DCHS2: variants seen among roughly 807,000 people sequenced by gnomAD.
The protein encoded by DCHS2 is dachsous cadherin-related 2.
A neutral mutation model predicts 182.4 loss-of-function variants in DCHS2; 142 were observed. That is an observed-to-expected ratio of 0.78 (90% CI 0.68 to 0.89). The LOEUF (loss-of-function observed/expected upper bound fraction) is 0.89. DCHS2 is among the 40% of genes least tolerant of loss of function. The pLI is 0.00. For missense variants in DCHS2, 4,319 were observed against 4,198.6 expected, an observed-to-expected ratio of 1.03 and a Z score of -0.79; for synonymous variants, 1,740 against 1,663.3, an observed-to-expected ratio of 1.05 and a Z score of -1.12.
chr4:154,234,775 G>T lies in DCHS2; in HGVS notation c.9877C>A (p.Pro3293Thr), dbSNP rs1293034043. The T allele has an allele frequency of 6.2e-7, 1 of 1,614,000 alleles. No individual in the cohort carries two copies. Among genetic ancestry groups the T allele is most frequent in the East Asian group, 2.2e-5 (1 of 44,862 alleles). Residue 3293 changes from proline to threonine, a missense_variant, in exon 20 of 20, where the codon CCA becomes ACA. By Grantham distance (38) the Pro-to-Thr change is conservative. Transcript: ENST00000357232. ...AGGTTTACTGCCGGCATTCTTGGTG[G>T]GACTGCTTTAATCCCAGGCTGGGCT... ...AVAQPGIKAV[P>T]PRMPAVNLGQ...
chr4:154,378,637 T>C (rs912516538), intron 1 of DCHS2, among the ~76,000 whole-genome samples: 2 of 152,114 alleles, frequency 1.3e-5, no homozygotes, highest in African/African-American at 2.4e-5. Context: ...TTACAACCTA[T>C]AGGTACTAAC....
At chr4:154,424,240 T>C (rs1733231002) in intron 1 of DCHS2, among the ~76,000 whole-genome samples, 1 of 152,028 alleles carries the variant, frequency 6.6e-6, no homozygotes, top group African/African-American at 2.4e-5. Context: ...GTAAATCAGA[T>C]CCTAAACTAC....
chr4:154,269,772 G>C, intron 14 of DCHS2, 128 bp downstream of exon 14: 2 of 1,037,998 alleles, frequency 1.9e-6, no homozygotes, highest in Non-Finnish European at 2.7e-6. Flanking sequence ...TCATAGGCTA[G>C]CTTAAAAAAT....
chr4:154,461,363 A>G (rs541648404), intron 1 of DCHS2, among the ~76,000 whole-genome samples: 2 of 152,346 alleles, frequency 1.3e-5, no homozygotes, highest in East Asian at 1.9e-4. Flanking sequence ...TTTTAAAAAA[A>G]TAATAAAACA....
At chr4:154,423,996 A>C (rs1159678398) in intron 1 of DCHS2, among the ~76,000 whole-genome samples, 1 of 152,214 alleles carries the variant, frequency 6.6e-6, no homozygotes, top group East Asian at 1.9e-4. Context: ...CATTTTAGAA[A>C]TATCTTCAAA....
chr4:154,273,614 A>T (rs1733697970), intron 13 of DCHS2, among the ~76,000 whole-genome samples: 1 of 152,132 alleles, frequency 6.6e-6, no homozygotes, highest in African/African-American at 2.4e-5. Flanking sequence ...ATAAAAACTT[A>T]AATTTAAAAG....
At chr4:154,467,007 G>T (rs899897619) in intron 1 of DCHS2, among the ~76,000 whole-genome samples, 15 of 152,190 alleles carry the variant, frequency 9.9e-5, no homozygotes, top group Middle Eastern at 6.8e-3. Context: ...TCAGCATCTG[G>T]TACAGTATTT....
At chr4:154,424,961 G>A (rs944861711) in intron 1 of DCHS2, among the ~76,000 whole-genome samples, 10 of 152,202 alleles carry the variant, frequency 6.6e-5, no homozygotes, top group African/African-American at 2.4e-4. Flanking sequence ...ACTTCTGGCA[G>A]CTCTATTTCT....
chr4:154,417,196 TGTGTGTGTGAGAGAGAGAGAGAGA>T (rs1560745775), intron 1 of DCHS2, among the ~76,000 whole-genome samples: 5 of 66,942 alleles, frequency 7.5e-5, no homozygotes, highest in Middle Eastern at 0.011. Flanking sequence ...TGTGTGTGTG[TGTGTGTGTGAGAGAGAGAGAGAGA>T]GAGAGAGAGA....
intron 17 of DCHS2, 102 bp downstream of exon 17, chr4:154,242,540 T>A (rs1374121128): frequency 9.2e-6 from 13 of 1,409,018 alleles, no homozygotes; most frequent in Non-Finnish European, 1.2e-5. Flanking sequence ...TGCTTGGTTG[T>A]TGAGGATTAG....
chr4:154,343,422 A>G, intron 3 of DCHS2: 1 of 1,329,158 alleles, frequency 7.5e-7, no homozygotes, highest in Non-Finnish European at 9.7e-7. Context: ...TATTTCATAT[A>G]AGGCTGTTTC....
intron 1 of DCHS2, among the ~76,000 whole-genome samples, chr4:154,463,724 C>G (rs866004797): frequency 6.2e-5 from 9 of 145,100 alleles, no homozygotes; most frequent in East Asian, 2.2e-4. Flanking sequence ...CTCTCTCTCT[C>G]TCTGTCTCTC....
At chr4:154,265,056 C>T (rs1040440769) in intron 14 of DCHS2, among the ~76,000 whole-genome samples, 1 of 152,038 alleles carries the variant, frequency 6.6e-6, no homozygotes, top group East Asian at 1.9e-4. Context: ...AGAAAAATAA[C>T]TATATAACTT....
At chr4:154,475,299 G>A (rs71605206) in intron 1 of DCHS2, among the ~76,000 whole-genome samples, 27,467 of 152,038 alleles carry the variant, frequency 0.18, 3,059 homozygotes, top group Non-Finnish European at 0.26. Context: ...AGTGGCTCTG[G>A]ATCTTAAAAT....
chr4:154,235,865 A>T lies in DCHS2; in HGVS notation c.8787T>A (p.Asn2929Lys). Residue 2929 changes from asparagine (N) to lysine (K), a missense_variant, in exon 20 of 20, where the codon AAT becomes AAA. By Grantham distance (94) the Asn-to-Lys change is moderately conservative. Transcript: ENST00000357232. ...TCAAATAAATATTTCCATTGGTTTT[A>T]TTTACTGAAAAGAAAGGAGATGAGG... ...LGTSSPFFSV[N>K]KTNGNIYLIR... 1 of 1,614,024 alleles carries T rather than the reference A, an allele frequency of 6.2e-7. No homozygotes were observed. The highest frequency in any genetic ancestry group is 8.5e-7 in the Non-Finnish European group (1 of 1,179,964).
chr4:154,370,991 G>T (rs1456279220), intron 2 of DCHS2, among the ~76,000 whole-genome samples: 1 of 152,136 alleles, frequency 6.6e-6, no homozygotes, highest in Non-Finnish European at 1.5e-5. Context: ...TGTTTATCAG[G>T]AACAGCATGC....
At position 154,232,620 on chromosome 4, in the gene DCHS2, C is replaced by CATAT. The variant is rs1427578786; in HGVS notation, c.*1912_*1915dup. On this transcript the variant is annotated 3_prime_UTR_variant, in exon 20 of 20. Transcript: ENST00000357232. ...AATTCTATTGTGAAAAGAAAACTTC[C>CATAT]ATATATAATTAGGAAAATATAGTAT... 1.3e-5 allele frequency: 2 copies of CATAT among 151,984 alleles called. No homozygotes were observed. The highest frequency in any genetic ancestry group is 2.9e-5 in the Non-Finnish European group (2 of 67,988). 9.4% of individuals were successfully genotyped at this position (151,984 alleles called of 1,614,324 possible). A position where few individuals can be genotyped will look rare whatever the true frequency, so the allele number is the denominator to read the frequency against.
At chr4:154,384,358 C>T (rs374381183) in intron 1 of DCHS2, 1 of 1,611,734 alleles carries the variant, frequency 6.2e-7, no homozygotes, top group African/African-American at 1.3e-5. Flanking sequence ...CACCACCTGA[C>T]TGACCTCACC....
At chr4:154,403,383 T>C (rs1732271732) in intron 1 of DCHS2, among the ~76,000 whole-genome samples, 1 of 152,224 alleles carries the variant, frequency 6.6e-6, no homozygotes, top group South Asian at 2.1e-4. Context: ...TTTTTTCAAA[T>C]ACTTTTGCTG....
Sources: gnomAD v4.1 joint callset for allele counts (sites outside exome capture counted in the v4.1 genomes callset) on GRCh38, gnomAD v4.1.1 for gene constraint, MANE v1.5 for transcripts, NCBI Gene and HGNC (gene_info 2026-07-23, HGNC 2026-07-21) for gene names.